FAM200B: variants seen among roughly 807,000 people sequenced by gnomAD.
The protein encoded by FAM200B is protein FAM200B.
FAM200B carries 32 observed loss-of-function variants against 33.1 expected under a neutral mutation model. That is an observed-to-expected ratio of 0.97 (90% CI 0.73 to 1.30). FAM200B has a LOEUF of 1.30. Ranked by LOEUF, FAM200B falls within the 50% of genes most tolerant of loss-of-function variation. The probability of loss-of-function intolerance (pLI) is 0.00; values close to 1 mark genes in which losing one functional copy is unlikely to be tolerated. For synonymous variants in FAM200B, 240 were observed against 264.8 expected (o/e 0.91, Z 0.91); for missense variants, 741 against 754.0 (o/e 0.98, Z 0.20).
At chr4:15,642,243 C>CT in the FAM200B span, among the ~76,000 whole-genome samples, 813 of 141,796 alleles carry the variant, frequency 5.7e-3, 2 homozygotes, top group South Asian at 0.018. Flanking sequence ...ATAATGAAAA[C>CT]TTTTTTTTTT....
the FAM200B span, among the ~76,000 whole-genome samples, chr4:15,671,511 C>G: frequency 6.6e-6 from 1 of 151,854 alleles, no homozygotes; most frequent in Admixed American, 6.6e-5. Context: ...GGCCTCAAAG[C>G]AATCCTCCTG....
At chr4:15,665,206 A>T in the FAM200B span, among the ~76,000 whole-genome samples, 1 of 152,156 alleles carries the variant, frequency 6.6e-6, no homozygotes, top group African/African-American at 2.4e-5. Context: ...TATTTGTGAC[A>T]TATTGTTAAA....
chr4:15,688,724 T>A lies in FAM200B; in HGVS notation c.1747T>A (p.Phe583Ile), dbSNP rs189865154. 3.2e-6 allele frequency: 5 copies of A among 1,550,616 alleles called. No individual in the cohort carries two copies. In the East Asian group the frequency reaches 1.2e-4, roughly 38 times the overall value. ...NDYETLSLSAFWMKVKEDFPL... is the reference protein window; with the variant it reads ...NDYETLSLSAIWMKVKEDFPL... Reference sequence around the variant, plus strand: ...TTATGAAACCTTAAGTTTATCAGCATTTTGGATGAAGGTAAAGGAAGACTT... The same window carrying A: ...TTATGAAACCTTAAGTTTATCAGCAATTTGGATGAAGGTAAAGGAAGACTT... Residue 583 changes from phenylalanine to isoleucine, a missense_variant, in exon 2 of 2, where the codon TTT becomes ATT. By Grantham distance (21) the Phe-to-Ile change is conservative. Coordinates refer to ENST00000422728, the MANE Select transcript of FAM200B (RefSeq NM_001145191.2).
chr4:15,646,367 G>A, the FAM200B span, among the ~76,000 whole-genome samples: 7 of 87,356 alleles, frequency 8.0e-5, no homozygotes, highest in African/African-American at 2.8e-4. Context: ...ACATATTATA[G>A]ATTTTTTTTT....
chr4:15,683,520 TAAAAGAC>T (rs1218468716), intron 1 of FAM200B, among the ~76,000 whole-genome samples: 2 of 152,196 alleles, frequency 1.3e-5, no homozygotes, highest in African/African-American at 2.4e-5. Context: ...ATGGAATAGT[TAAAAGAC>T]AATTGCTTCT....
At chr4:15,647,961 CTCCTGCTGGCCTCAGCCT>C in the FAM200B span, among the ~76,000 whole-genome samples, 3 of 152,200 alleles carry the variant, frequency 2.0e-5, no homozygotes, top group African/African-American at 7.2e-5. Context: ...TCAAGTGATC[CTCCTGCTGGCCTCAGCCT>C]TCCGAATAGC....
the FAM200B span, among the ~76,000 whole-genome samples, chr4:15,662,300 C>G: frequency 1.8e-4 from 27 of 150,466 alleles, no homozygotes; most frequent in South Asian, 6.2e-4. Context: ...AGAGGGTAGT[C>G]TTCATATTTA....
At chr4:15,660,465 G>C in the FAM200B span, among the ~76,000 whole-genome samples, 7 of 152,280 alleles carry the variant, frequency 4.6e-5, no homozygotes, top group South Asian at 1.5e-3. Flanking sequence ...TAAATGCTGA[G>C]AGCTACCTAG....
the FAM200B span, among the ~76,000 whole-genome samples, chr4:15,637,902 T>TTTAA: frequency 6.9e-6 from 1 of 144,802 alleles, no homozygotes; most frequent in Admixed American, 6.9e-5. Flanking sequence ...CTAGTTTTTT[T>TTTAA]AAAAAAAAAA....
rs540779501 is a variant in FAM200B, at chr4:15,683,478, G to A, written c.-743+1577G>A. 1.6e-4 allele frequency among the ~76,000 whole-genome samples: 25 copies of A among 152,216 alleles called. No homozygotes were observed. The South Asian group carries it at 4.1e-3, about 25-fold the overall frequency. ...CTAGTGTTACAAACTTTCAAGGGGGGATTGAAACGTGAATAGTAAGAATAT... is the reference window on the plus strand; with the variant it reads ...CTAGTGTTACAAACTTTCAAGGGGGAATTGAAACGTGAATAGTAAGAATAT... On this transcript the variant is annotated intron_variant, in intron 1 of 1. Transcript: ENST00000422728.
At chr4:15,655,077 A>T in the FAM200B span, 1 of 635,884 alleles carries the variant, frequency 1.6e-6, no homozygotes, top group Non-Finnish European at 2.1e-6. Context: ...ACAGCTGCGC[A>T]GGCGGCTACT....
the FAM200B span, among the ~76,000 whole-genome samples, chr4:15,669,699 A>G: frequency 6.6e-6 from 1 of 152,208 alleles, no homozygotes; most frequent in Admixed American, 6.5e-5. Context: ...CACACTATGA[A>G]AAGTTATTTT....
the FAM200B span, among the ~76,000 whole-genome samples, chr4:15,639,795 T>TA: frequency 1.3e-5 from 2 of 152,352 alleles, no homozygotes; most frequent in African/African-American, 4.8e-5. Flanking sequence ...GGTCTTAAAA[T>TA]ACTATCGGGG....
intron 1 of FAM200B, among the ~76,000 whole-genome samples, chr4:15,683,223 A>T (rs1352381935): frequency 6.6e-6 from 1 of 152,122 alleles, no homozygotes; most frequent in African/African-American, 2.4e-5. Context: ...AATTATTAAT[A>T]TTTCATATTT....
the FAM200B span, among the ~76,000 whole-genome samples, chr4:15,669,376 A>G: frequency 6.6e-6 from 1 of 152,164 alleles, no homozygotes. Flanking sequence ...ACTTCATGGA[A>G]CCACCATCAT....
the FAM200B span, among the ~76,000 whole-genome samples, chr4:15,673,975 T>C: frequency 1.3e-5 from 2 of 152,236 alleles, no homozygotes; most frequent in South Asian, 2.1e-4. Context: ...TTGGAAAACA[T>C]TGTTTTATAT....
the FAM200B span, chr4:15,644,734 T>G: frequency 2.6e-6 from 4 of 1,540,258 alleles, no homozygotes; most frequent in Non-Finnish European, 3.6e-6. Context: ...AAAAGAAAAG[T>G]GTAATAAATA....
At chr4:15,675,665 T>C in the FAM200B span, among the ~76,000 whole-genome samples, 1 of 143,954 alleles carries the variant, frequency 6.9e-6, no homozygotes, top group Non-Finnish European at 1.5e-5. Flanking sequence ...CACTGCAACC[T>C]CTGCCTCCCA....
the FAM200B span, among the ~76,000 whole-genome samples, chr4:15,663,781 C>G: frequency 6.6e-6 from 1 of 152,190 alleles, no homozygotes; most frequent in African/African-American, 2.4e-5. Context: ...GCTACAGATT[C>G]AGTAAGTCCA....
Sources: allele counts gnomAD v4.1 joint callset (sites outside exome capture counted in the v4.1 genomes callset), GRCh38; gene constraint gnomAD v4.1.1; transcripts MANE v1.5; gene names NCBI Gene and HGNC (gene_info 2026-07-23, HGNC 2026-07-21).